The following SH2B1 variants were observed in gnomAD, a reference collection of about 807,000 sequenced individuals.
The protein encoded by SH2B1 is SH2B adaptor protein 1, also known as SH2B adapter protein 1.
In SH2B1, 15 loss-of-function variants were observed where a neutral mutation model predicts 62.6. The observed-to-expected ratio is 0.24, with a 90% CI of 0.16 to 0.37. SH2B1 has a LOEUF of 0.37. SH2B1 is among the 10% of genes least tolerant of loss of function. The pLI is 1.00. For synonymous variants in SH2B1, 443 were observed against 438.0 expected (o/e 1.01, Z -0.14); for missense variants, 925 against 1,015.6 (o/e 0.91, Z 1.21).
Position 28,866,739 on chromosome 16 carries a change from T to A in SH2B1, c.645T>A (p.Ser215Arg), listed in dbSNP as rs1962731310. 6.3e-7 allele frequency: 1 copy of A among 1,579,706 alleles called. No individual in the cohort carries two copies. Among genetic ancestry groups the A allele is most frequent in the Admixed American group, 1.8e-5 (1 of 56,192 alleles). ...GAGTVGRGLV[S>R]DGTSPGERWT... ...GGACCGTTGGTAGGGGACTGGTCAG[T>A]GATGGAACGTCCCCTGGGGAAAGAT... The change falls in exon 1 of 8, where the codon AGT (serine) becomes AGA (arginine). Residue 215 changes from serine (S) to arginine (R), a missense_variant. Transcript: ENST00000684370. This position sits in a 1 kb window ranked among gnomAD's most constrained non-coding sequence, Gnocchi z 6.3.
intron 1 of SH2B1, among the ~76,000 whole-genome samples, chr16:28,847,589 G>A (rs1962005833): frequency 6.6e-6 from 1 of 152,024 alleles, no homozygotes; most frequent in African/African-American, 2.4e-5. Context: ...AGGCTGAGGT[G>A]GGAGGACGGT....
upstream of SH2B1, among the ~76,000 whole-genome samples, chr16:28,859,102 T>G (rs376077314): frequency 6.6e-6 from 1 of 151,944 alleles, no homozygotes; most frequent in East Asian, 1.9e-4. Context: ...CCACCCAACC[T>G]GGCTAATTTT....
At position 28,873,104 on chromosome 16, in the gene SH2B1, C is replaced by G. The variant is rs947098744; in HGVS notation, c.1898-343C>G. On this transcript the variant is annotated intron_variant, in intron 7 of 7. Transcript: ENST00000684370. This position sits in a 1 kb window ranked among gnomAD's most constrained non-coding sequence, Gnocchi z 4.2. ...CCTCCTCCCTCAATGTCTCATGTCC[C>G]TGTCTGATCTCTCCCTTTCCCCTGC... 1.3e-5 allele frequency: 14 copies of G among 1,038,548 alleles called. No homozygotes were observed. In the African/African-American group the frequency reaches 1.4e-4, roughly 11 times the overall value. The allele number at this position is 1,038,548 out of a possible 1,614,324, so 64.3% of individuals were successfully genotyped here. A position where few individuals can be genotyped will look rare whatever the true frequency, so the allele number is the denominator to read the frequency against.
chr16:28,866,586 C>T lies in SH2B1; in HGVS notation c.492C>T (p.Gly164=). Residue 164 remains glycine (G), a synonymous_variant, in exon 1 of 8, where the codon GGC becomes GGT. Transcript: ENST00000684370. This position sits in a 1 kb window ranked among gnomAD's most constrained non-coding sequence, Gnocchi z 6.3. ...SLRSVGRSVR[G]SVRGILQWRG... ...GTTCAGTGGGTCGCTCTGTCCGAGG[C>T]TCAGTCCGTGGCATCCTGCAGTGGC... The T allele has an allele frequency of 6.2e-7, 1 of 1,614,134 alleles. No individual in the cohort carries two copies. Among genetic ancestry groups the T allele is most frequent in the Non-Finnish European group, 8.5e-7 (1 of 1,180,042 alleles).
rs869267223 is a variant in SH2B1, at chr16:28,852,382, ATT to A, written c.-301+5557_-301+5558del. Among the ~76,000 whole-genome samples, 48 of 79,444 alleles carry A rather than the reference ATT, an allele frequency of 6.0e-4. 4 individuals are homozygous for A. Among genetic ancestry groups the A allele is most frequent in the Non-Finnish European group, 7.5e-4 (35 of 46,584 alleles). The allele number at this position is 79,444 out of a possible 152,430, so 52.1% of individuals were successfully genotyped here. On this transcript the variant is annotated intron_variant, in intron 1 of 10. Transcript: ENST00000322610. The stretch of plus-strand genomic sequence containing the variant: ...TATATATTTATATATATTTACATAT[ATT>A]TATATATATACATATATATTTACAT...
At position 28,857,572 on chromosome 16, in the gene SH2B1, C is replaced by T. The variant is rs149912008; in HGVS notation, c.-300-4046C>T. On this transcript the variant is annotated intron_variant, in intron 1 of 10. Coordinates refer to the SH2B1 transcript ENST00000322610. ...CACTACACTTGGGATTACAGCTTTA[C>T]AAAGAATACAAAGCAGGGCCAGCCA... 1.2e-3 allele frequency among the ~76,000 whole-genome samples: 176 copies of T among 152,182 alleles called. 2 individuals are homozygous for T. Among genetic ancestry groups the T allele is most frequent in the African/African-American group, 4.1e-3 (171 of 41,516 alleles).
intron 4 of SH2B1, among the ~76,000 whole-genome samples, chr16:28,869,725 G>A (rs1352391146): frequency 6.6e-6 from 1 of 152,128 alleles, no homozygotes; most frequent in African/African-American, 2.4e-5. Context: ...TCTTTGTTTT[G>A]TTCTTACTCT....
At chr16:28,851,795 A>G (rs943277657) in intron 1 of SH2B1, among the ~76,000 whole-genome samples, 1 of 147,340 alleles carries the variant, frequency 6.8e-6, no homozygotes, top group African/African-American at 2.5e-5. Flanking sequence ...TTGGCCAGGC[A>G]TGGTGCCTCA....
At chr16:28,857,004 C>T (rs986974453) in intron 1 of SH2B1, among the ~76,000 whole-genome samples, 1 of 152,114 alleles carries the variant, frequency 6.6e-6, no homozygotes, top group Admixed American at 6.6e-5. Context: ...TACTTGAGGC[C>T]AGCCCCAGTG....
rs868202175 is a variant in SH2B1, at chr16:28,852,549, T to C, written c.-301+5722T>C. ...ATATATACACATATATTTATATATA[T>C]ACACATATTTATATATATACACATA... On this transcript the variant is annotated intron_variant, in intron 1 of 10. Coordinates refer to the SH2B1 transcript ENST00000322610. Among the ~76,000 whole-genome samples the C allele has an allele frequency of 1.7e-4, 5 of 29,814 alleles. 1 individual carries two copies. The East Asian group carries it at 7.5e-3, about 45-fold the overall frequency. The allele number at this position is 29,814 out of a possible 152,430, so 19.6% of individuals were successfully genotyped here. A position where few individuals can be genotyped will look rare whatever the true frequency, so the allele number is the denominator to read the frequency against.
At position 28,852,703 on chromosome 16, in the gene SH2B1, C is replaced by CAT. The variant is rs1237095579; in HGVS notation, c.-301+5883_-301+5884dup. On this transcript the variant is annotated intron_variant, in intron 1 of 10. Transcript: ENST00000322610. ...ATTTACATATATATTTATATATATA[C>CAT]ATATATATTTACATATATATTTATA... Among the ~76,000 whole-genome samples, 5 of 41,634 alleles carry CAT rather than the reference C, an allele frequency of 1.2e-4. No individual in the cohort carries two copies. In the East Asian group the frequency reaches 1.5e-3, roughly 13 times the overall value. 27.3% of individuals were successfully genotyped at this position (41,634 alleles called of 152,430 possible).
upstream of SH2B1, chr16:28,863,762 T>C: frequency 6.5e-7 from 1 of 1,535,710 alleles, no homozygotes; most frequent in South Asian, 1.2e-5. Flanking sequence ...GAAGTAAGTA[T>C]GAAGGTGCCC....
chr16:28,855,725 C>T (rs1433610665), intron 1 of SH2B1, among the ~76,000 whole-genome samples: 4 of 150,832 alleles, frequency 2.7e-5, no homozygotes, highest in Admixed American at 2.6e-4. Context: ...CTGCAAGCTC[C>T]GTCTCCTGGG....
rs1017593503 is a variant in SH2B1, at chr16:28,864,582, T to A, written c.-1513T>A. The A allele has an allele frequency of 2.0e-6, 2 of 985,424 alleles. No individual in the cohort carries two copies. Among genetic ancestry groups the A allele is most frequent in the Admixed American group, 6.2e-5 (1 of 16,230 alleles). The allele number at this position is 985,424 out of a possible 1,614,324, so 61.0% of individuals were successfully genotyped here. A position where few individuals can be genotyped will look rare whatever the true frequency, so the allele number is the denominator to read the frequency against. On this transcript the variant is annotated 5_prime_UTR_variant, in exon 1 of 8. Transcript: ENST00000684370. ...GGGGAGGGTTCACCGACTTACAGCC[T>A]GGCTGTAGGTTTGAACAGGAGTCTG...
In SH2B1 at chr16:28,873,115, C is replaced by G; in HGVS notation, c.1898-332C>G. 2.6e-6 allele frequency: 3 copies of G among 1,149,086 alleles called. No homozygotes were observed. Among genetic ancestry groups the G allele is most frequent in the Non-Finnish European group, 3.7e-6 (3 of 815,814 alleles). The allele number at this position is 1,149,086 out of a possible 1,614,324, so 71.2% of individuals were successfully genotyped here. A position where few individuals can be genotyped will look rare whatever the true frequency, so the allele number is the denominator to read the frequency against. On this transcript the variant is annotated intron_variant, in intron 7 of 7. Coordinates refer to ENST00000684370, the MANE Select transcript of SH2B1 (RefSeq NM_001387430.1). The surrounding 1 kb of genome is among the most constrained non-coding windows in gnomAD (Gnocchi z 4.2). Reference sequence around the variant, plus strand: ...AATGTCTCATGTCCCTGTCTGATCTCTCCCTTTCCCCTGCCCCACCGTCCC... The same window carrying G: ...AATGTCTCATGTCCCTGTCTGATCTGTCCCTTTCCCCTGCCCCACCGTCCC...
chr16:28,855,949 G>A (rs1230828480), intron 1 of SH2B1, among the ~76,000 whole-genome samples: 1 of 150,052 alleles, frequency 6.7e-6, no homozygotes, highest in Non-Finnish European at 1.5e-5. Flanking sequence ...GGGATTACAG[G>A]TGTGAGCCAC....
At position 28,853,161 on chromosome 16, in the gene SH2B1, TATAA is replaced by T. The variant is rs1002815447; in HGVS notation, c.-301+6338_-301+6341del. Among the ~76,000 whole-genome samples, 91 of 136,050 alleles carry T rather than the reference TATAA, an allele frequency of 6.7e-4. 2 individuals are homozygous for T. The highest frequency in any genetic ancestry group is 8.9e-4 in the Non-Finnish European group (58 of 65,170). 89.3% of individuals were successfully genotyped at this position (136,050 alleles called of 152,430 possible). A position where few individuals can be genotyped will look rare whatever the true frequency, so the allele number is the denominator to read the frequency against. ...TTATATAAATATATATAAATGTATA[TATAA>T]ATATATATATATTTTTTGGGTACGG... On this transcript the variant is annotated intron_variant, in intron 1 of 10. Transcript: ENST00000322610.
upstream of SH2B1, among the ~76,000 whole-genome samples, chr16:28,859,943 C>G (rs1224089062): frequency 6.7e-6 from 1 of 149,596 alleles, no homozygotes; most frequent in Non-Finnish European, 1.5e-5. Context: ...GGAAAGCATC[C>G]CGAGTTTTAC....
chr16:28,852,387 T>C lies in SH2B1; in HGVS notation c.-301+5560T>C, dbSNP rs1048896201. On this transcript the variant is annotated intron_variant, in intron 1 of 10. Transcript: ENST00000322610. Reference sequence around the variant, plus strand: ...ATTTATATATATTTACATATATTTATATATATACATATATATTTACATATA... The same window carrying C: ...ATTTATATATATTTACATATATTTACATATATACATATATATTTACATATA... 4.9e-4 allele frequency among the ~76,000 whole-genome samples: 37 copies of C among 74,860 alleles called. 7 individuals are homozygous for C. Among genetic ancestry groups the C allele is most frequent in the East Asian group, 2.2e-3 (5 of 2,240 alleles). The allele number at this position is 74,860 out of a possible 152,430, so 49.1% of individuals were successfully genotyped here.
Sources: allele counts gnomAD v4.1 joint callset (sites outside exome capture counted in the v4.1 genomes callset), GRCh38; gene constraint gnomAD v4.1.1; non-coding constraint Gnocchi (gnomAD v3.1); transcripts MANE v1.5; gene names NCBI Gene and HGNC (gene_info 2026-07-23, HGNC 2026-07-21).